PLCH2: variants seen among roughly 807,000 people sequenced by gnomAD.
PLCH2 encodes the protein 1-phosphatidylinositol 4,5-bisphosphate phosphodiesterase eta-2.
PLCH2 carries 98 observed loss-of-function variants against 134.7 expected under a neutral mutation model. The ratio of observed to expected loss-of-function variants is 0.73; its 90% CI spans 0.62 to 0.86. PLCH2 has a LOEUF of 0.86. Among genes scored for constraint, PLCH2 ranks in the 40% least tolerant of loss-of-function variants. PLCH2 has a pLI of 0.00. For synonymous variants in PLCH2, 974 were observed against 827.5 expected, an observed-to-expected ratio of 1.18 and a Z score of -3.04; for missense variants, 1,994 against 1,986.6, an observed-to-expected ratio of 1.00 and a Z score of -0.07.
rs751912642 is a variant in PLCH2, at chr1:2,499,732, CCCCT to C, written c.2661+13_2661+16del. ...ACATCAGCGGTAAGGTGAGTGTCAC[CCCCT>C]GCCACCAGCCATCATGGGGAGGGGC... On this transcript the variant is annotated intron_variant, in intron 20 of 21. Coordinates refer to ENST00000378486, the MANE Select transcript of PLCH2 (RefSeq NM_014638.4). The C allele has an allele frequency of 6.4e-7, 1 of 1,560,504 alleles. No homozygotes were observed. The highest frequency in any genetic ancestry group is 1.2e-5 in the South Asian group (1 of 84,826).
chr1:2,492,816 C>G (rs1284217833), intron 11 of PLCH2, among the ~76,000 whole-genome samples: 1 of 152,136 alleles, frequency 6.6e-6, no homozygotes, highest in Non-Finnish European at 1.5e-5. Context: ...GGTGTCCCCT[C>G]TGCCCATGAA....
intron 2 of PLCH2, among the ~76,000 whole-genome samples, chr1:2,435,363 G>A (rs1639280546): frequency 6.6e-6 from 1 of 152,154 alleles, no homozygotes; most frequent in Admixed American, 6.5e-5. Flanking sequence ...TGAGGCTCAC[G>A]CCCAGGGGTC....
At chr1:2,417,724 G>A in the PLCH2 span, among the ~76,000 whole-genome samples, 15 of 152,292 alleles carry the variant, frequency 9.8e-5, no homozygotes, top group South Asian at 1.5e-3. Context: ...GCACTGCCAC[G>A]CCACCTTCCC....
chr1:2,466,852 G>A (rs984115778), upstream of PLCH2, among the ~76,000 whole-genome samples: 5 of 152,328 alleles, frequency 3.3e-5, no homozygotes, highest in Admixed American at 2.6e-4. Context: ...GCAGGGAGGC[G>A]AGGGGCTGGG....
Position 2,448,658 on chromosome 1 carries a change from G to A in PLCH2, c.115+18029G>A, listed in dbSNP as rs1160813544. Among the ~76,000 whole-genome samples, 5 of 151,056 alleles carry A rather than the reference G, an allele frequency of 3.3e-5. No homozygotes were observed. The highest frequency in any genetic ancestry group is 2.1e-4 in the South Asian group (1 of 4,762). ...GTGCTCCACCCCAGCACCCCCGCCC[G>A]AGGCAGGCCCTGGAGCTCACGCTGC... On this transcript the variant is annotated intron_variant, in intron 2 of 3. Coordinates refer to the PLCH2 transcript ENST00000609981. The surrounding 1 kb of genome is among the most constrained non-coding windows in gnomAD (Gnocchi z 4.0).
intron 21 of PLCH2, chr1:2,503,053 C>T (rs888132542): frequency 1.1e-5 from 8 of 709,268 alleles, no homozygotes; most frequent in Admixed American, 4.0e-5. Context: ...GTCTCCGTGG[C>T]ACTCTGCTCC....
At chr1:2,455,750 G>A (rs962584612) in intron 2 of PLCH2, among the ~76,000 whole-genome samples, 2 of 152,150 alleles carry the variant, frequency 1.3e-5, no homozygotes, top group African/African-American at 4.8e-5. Context: ...CTGCAGGTGT[G>A]AGAGGGCCCA....
At chr1:2,445,522 T>C (rs1434088755) in intron 2 of PLCH2, among the ~76,000 whole-genome samples, 5 of 147,248 alleles carry the variant, frequency 3.4e-5, no homozygotes, top group African/African-American at 1.3e-4. Flanking sequence ...GGGTCAGGCC[T>C]GATGTCCAGC....
intron 21 of PLCH2, 105 bp from the exon 22 acceptor site, chr1:2,503,817 C>T (rs924290315): frequency 1.3e-4 from 81 of 625,016 alleles, no homozygotes; most frequent in African/African-American, 8.0e-4. Flanking sequence ...CACAGGGCAC[C>T]GGGGACACCA....
intron 2 of PLCH2, among the ~76,000 whole-genome samples, chr1:2,437,502 A>AC (rs1639482913): frequency 6.6e-6 from 1 of 151,526 alleles, no homozygotes; most frequent in African/African-American, 2.4e-5. Context: ...TCCTGGGAAC[A>AC]CCCTCCCGCC....
Position 2,504,054 on chromosome 1 carries a change from C to T in PLCH2, c.3092C>T (p.Pro1031Leu). 1.9e-6 allele frequency: 3 copies of T among 1,547,594 alleles called. No homozygotes were observed. Among genetic ancestry groups the T allele is most frequent in the South Asian group, 2.4e-5 (2 of 83,882 alleles). The stretch of plus-strand genomic sequence containing the variant: ...CCCACCAGCTCTTCTCAGGGACGGC[C>T]CCCATACCCCACAGGACCCGGAGCC... ...AVPTSSSQGR[P>L]PYPTGPGANV... The change falls in exon 22 of 22, where the codon CCC (proline) becomes CTC (leucine). Residue 1031 changes from proline (P) to leucine (L), a missense_variant. By Grantham distance (98) the Pro-to-Leu change is moderately conservative. This residue lies in a region of PLCH2 where 900 missense variants were observed against 752.3 expected (regional missense o/e 1.20). Coordinates refer to ENST00000378486, the MANE Select transcript of PLCH2 (RefSeq NM_014638.4).
Position 2,444,648 on chromosome 1 carries a change from G to A in PLCH2, c.115+14019G>A, listed in dbSNP as rs1639855339. On this transcript the variant is annotated intron_variant, in intron 2 of 3. Coordinates refer to the PLCH2 transcript ENST00000609981. The surrounding 1 kb of genome is among the most constrained non-coding windows in gnomAD (Gnocchi z 4.6). ...GGAGCTGGTGGAGGAAGATGCCAAGGAGATAAGAGGCTTCCCCTCCCCTCC... is the reference window on the plus strand; with the variant it reads ...GGAGCTGGTGGAGGAAGATGCCAAGAAGATAAGAGGCTTCCCCTCCCCTCC... Among the ~76,000 whole-genome samples, 1 of 152,114 alleles carries A rather than the reference G, an allele frequency of 6.6e-6. No individual in the cohort carries two copies. The highest frequency in any genetic ancestry group is 6.5e-5 in the Admixed American group (1 of 15,284).
rs929551824 is a variant in PLCH2 at position 2,500,103 on chromosome 1, C to A, written c.2661+383C>A. 3 of 267,944 alleles carry A rather than the reference C, an allele frequency of 1.1e-5. No homozygotes were observed. The South Asian group carries it at 2.0e-4, about 18-fold the overall frequency. 16.6% of individuals were successfully genotyped at this position (267,944 alleles called of 1,614,324 possible). ...GATGCCCCTCTCCCCTCTACTACCCCCCACCCCTCTACTTCCTGGTGTCAC... is the reference window on the plus strand; with the variant it reads ...GATGCCCCTCTCCCCTCTACTACCCACCACCCCTCTACTTCCTGGTGTCAC... On this transcript the variant is annotated intron_variant, in intron 20 of 21. Transcript: ENST00000378486.
chr1:2,487,519 C>T, intron 7 of PLCH2, 79 bp from the exon 8 acceptor site: 1 of 1,537,830 alleles, frequency 6.5e-7, no homozygotes, highest in Non-Finnish European at 8.8e-7. Flanking sequence ...GGGACAGGCC[C>T]TCTTTTGGTC....
At position 2,494,887 on chromosome 1, in the gene PLCH2, A is replaced by G; in HGVS notation, c.1691A>G (p.Glu564Gly). 1 of 1,607,082 alleles carries G rather than the reference A, an allele frequency of 6.2e-7. No homozygotes were observed. Among genetic ancestry groups the G allele is most frequent in the Non-Finnish European group, 8.5e-7 (1 of 1,177,632 alleles). The change falls in exon 12 of 22, where the codon GAG becomes GGG. Residue 564 changes from glutamate (E) to glycine (G), a missense_variant. Physicochemically the swap from Glu to Gly is moderately conservative, Grantham distance 98. Coordinates refer to ENST00000378486, the MANE Select transcript of PLCH2 (RefSeq NM_014638.4). ...SKAEEDVESG[E>G]DAGASRRNGR... ...GCTGAAGAGGACGTGGAGTCTGGGG[A>G]GGATGCCGGGGCCAGCAGACGCAAT...
Position 2,491,343 on chromosome 1 carries a change from C to G in PLCH2, c.1659+8C>G, listed in dbSNP as rs1277229284. 1 of 1,608,484 alleles carries G rather than the reference C, an allele frequency of 6.2e-7. No homozygotes were observed. ...GGAAAGCTCGGACGCAAGGTAGAGGCCAAAAAGGTGACACCCCTGATGCCG... is the reference window on the plus strand; with the variant it reads ...GGAAAGCTCGGACGCAAGGTAGAGGGCAAAAAGGTGACACCCCTGATGCCG... On this transcript the variant is annotated splice_region_variant and intron_variant, in intron 11 of 21. Coordinates refer to ENST00000378486, the MANE Select transcript of PLCH2 (RefSeq NM_014638.4).
rs1465409999 is a variant in PLCH2, at chr1:2,490,105, G to C, written c.1515+238G>C. ...GCTCCCACATTTGAGCTGACTCTTG[G>C]GGTACCATCCACTCCCCCTGCCCTG... is the stretch of plus-strand genomic sequence containing the variant. On this transcript the variant is annotated intron_variant, in intron 10 of 21. Transcript: ENST00000378486. Among the ~76,000 whole-genome samples the C allele has an allele frequency of 6.0e-5, 9 of 150,110 alleles. No individual in the cohort carries two copies. The East Asian group carries it at 1.8e-3, about 30-fold the overall frequency.
At chr1:2,424,653 C>T (rs562636471), upstream of PLCH2, among the ~76,000 whole-genome samples, 2 of 152,148 alleles carry the variant, frequency 1.3e-5, no homozygotes, top group African/African-American at 2.4e-5. Flanking sequence ...GAGTTTGAGA[C>T]CAGCCTGGCC....
intron 2 of PLCH2, among the ~76,000 whole-genome samples, chr1:2,430,813 G>A (rs950668317): frequency 4.6e-5 from 7 of 152,220 alleles, no homozygotes; most frequent in African/African-American, 1.2e-4. Flanking sequence ...AGGTGGGGCC[G>A]CCACGTGCAG....
Sources: allele counts gnomAD v4.1 joint callset (sites outside exome capture counted in the v4.1 genomes callset), GRCh38; gene constraint gnomAD v4.1.1; regional missense constraint gnomAD v4.1.1; non-coding constraint Gnocchi (gnomAD v3.1); transcripts MANE v1.5; gene names NCBI Gene and HGNC (gene_info 2026-07-23, HGNC 2026-07-21).